The following MAD1L1 variants were observed in gnomAD, a reference collection of about 807,000 sequenced individuals.
The protein encoded by MAD1L1 is mitotic spindle assembly checkpoint protein MAD1.
A neutral mutation model predicts 96.9 loss-of-function variants in MAD1L1; 95 were observed. The observed-to-expected ratio is 0.98, with a 90% CI of 0.83 to 1.16. The LOEUF is 1.16. MAD1L1 is among the 50% of genes most tolerant of loss of function. The probability of loss-of-function intolerance (pLI) is 0.00; values close to 1 mark genes in which losing one functional copy is unlikely to be tolerated. For missense variants in MAD1L1, 1,007 were observed against 954.4 expected (o/e 1.06, Z -0.73); for synonymous variants, 473 against 396.6 (o/e 1.19, Z -2.29).
At chr7:2,096,609 C>T (rs1167733628) in intron 11 of MAD1L1, among the ~76,000 whole-genome samples, 5 of 152,284 alleles carry the variant, frequency 3.3e-5, no homozygotes, top group African/African-American at 1.2e-4. Flanking sequence ...ACTTCGAGGA[C>T]AGCTTCCCCC....
chr7:1,963,765 C>A (rs1332445166), intron 15 of MAD1L1, among the ~76,000 whole-genome samples: 1 of 152,204 alleles, frequency 6.6e-6, no homozygotes, highest in Admixed American at 6.5e-5. Context: ...CCACTCACAC[C>A]AACATCCTGA....
intron 11 of MAD1L1, among the ~76,000 whole-genome samples, chr7:2,098,618 G>A (rs573413476): frequency 2.0e-4 from 30 of 152,290 alleles, no homozygotes; most frequent in African/African-American, 6.3e-4. Flanking sequence ...AGCACAGCAC[G>A]GCAGACACGT....
At chr7:2,216,735 T>C (rs147217659) in intron 7 of MAD1L1, among the ~76,000 whole-genome samples, 14 of 152,162 alleles carry the variant, frequency 9.2e-5, no homozygotes, top group Middle Eastern at 3.4e-3. Flanking sequence ...TTCTGCTCAT[T>C]TTGCTGTGAA....
chr7:2,021,804 G>A (rs1014148019), intron 12 of MAD1L1, among the ~76,000 whole-genome samples: 2 of 151,854 alleles, frequency 1.3e-5, no homozygotes, highest in African/African-American at 2.4e-5. Context: ...TTAGACAAAC[G>A]AAAACTGGGG....
At chr7:2,116,014 C>A (rs1352396145) in intron 11 of MAD1L1, among the ~76,000 whole-genome samples, 3 of 152,250 alleles carry the variant, frequency 2.0e-5, no homozygotes, top group Non-Finnish European at 4.4e-5. Flanking sequence ...TGGGGCCCAG[C>A]CCCACTGCCC....
intron 14 of MAD1L1, among the ~76,000 whole-genome samples, chr7:1,992,309 C>G (rs1386533583): frequency 6.6e-6 from 1 of 151,898 alleles, no homozygotes; most frequent in African/African-American, 2.4e-5. Context: ...CTCTATGTGG[C>G]TTCCAAGGGC....
At chr7:2,111,607 G>C (rs113521374) in intron 11 of MAD1L1, among the ~76,000 whole-genome samples, 2 of 152,232 alleles carry the variant, frequency 1.3e-5, no homozygotes, top group African/African-American at 4.8e-5. Context: ...AAGTCCAGAG[G>C]GCTGTGCAAG....
intron 18 of MAD1L1, chr7:1,854,333 G>A (rs947305419): frequency 1.5e-5 from 7 of 465,358 alleles, no homozygotes; most frequent in African/African-American, 4.0e-5. Context: ...CCGGCAGCTC[G>A]TCCCCAACCC....
intron 12 of MAD1L1, among the ~76,000 whole-genome samples, chr7:2,066,921 C>T (rs1047534695): frequency 1.3e-5 from 2 of 152,248 alleles, no homozygotes; most frequent in African/African-American, 4.8e-5. Context: ...CCGCTGGCCT[C>T]ACTTAAGAAA....
At chr7:2,045,838 C>T (rs1239365978) in intron 12 of MAD1L1, among the ~76,000 whole-genome samples, 1 of 152,192 alleles carries the variant, frequency 6.6e-6, no homozygotes, top group Admixed American at 6.5e-5. Context: ...CCCTAAGCCT[C>T]GGAGCACATG....
chr7:1,884,277 G>A (rs951550555), intron 18 of MAD1L1, among the ~76,000 whole-genome samples: 3 of 152,194 alleles, frequency 2.0e-5, no homozygotes, highest in Non-Finnish European at 2.9e-5. Flanking sequence ...CCAAGAGCAT[G>A]CCCCTGGCCA....
Position 2,215,951 on chromosome 7 carries a change from C to G in MAD1L1, c.858G>C (p.Leu286=). 1.9e-6 allele frequency: 3 copies of G among 1,614,212 alleles called. No homozygotes were observed. Among genetic ancestry groups the G allele is most frequent in the Non-Finnish European group, 2.5e-6 (3 of 1,180,038 alleles). The change falls in exon 9 of 19, where the codon CTG becomes CTC. Residue 286 remains leucine (L), a synonymous_variant. Coordinates refer to ENST00000265854, the MANE Select transcript of MAD1L1 (RefSeq NM_001013836.2). ...TCTCCTGGCGCCCCAGCTTCCTCTG[C>G]AGCCCTTCCAGCTCTTCCTGGAGCA... The part of the protein sequence containing the change: ...NGLLQEELEG[L]QRKLGRQEKM...
chr7:1,935,094 G>C (rs576424999), intron 17 of MAD1L1, among the ~76,000 whole-genome samples: 30 of 152,366 alleles, frequency 2.0e-4, no homozygotes, highest in African/African-American at 7.2e-4. Flanking sequence ...TGGGTGCACA[G>C]CCAAGGCACA....
At chr7:2,035,057 C>T (rs1415316907) in intron 12 of MAD1L1, among the ~76,000 whole-genome samples, 5 of 152,242 alleles carry the variant, frequency 3.3e-5, no homozygotes, top group Non-Finnish European at 7.3e-5. Context: ...GGGAGGGACA[C>T]AAACTCCACA....
chr7:1,873,657 C>T (rs900385061), intron 18 of MAD1L1, among the ~76,000 whole-genome samples: 14 of 152,060 alleles, frequency 9.2e-5, no homozygotes, highest in Non-Finnish European at 1.5e-5. Context: ...CCCACTGCTG[C>T]CTCCCTCACT....
At chr7:2,197,040 T>G (rs1792025477) in intron 10 of MAD1L1, among the ~76,000 whole-genome samples, 1 of 152,230 alleles carries the variant, frequency 6.6e-6, no homozygotes, top group South Asian at 2.1e-4. Flanking sequence ...TCCTCCCTGA[T>G]GAAGACCTTC....
At chr7:1,842,308 C>T (rs1172215336) in intron 18 of MAD1L1, among the ~76,000 whole-genome samples, 3 of 152,292 alleles carry the variant, frequency 2.0e-5, no homozygotes, top group South Asian at 2.1e-4. Flanking sequence ...TCCGTGTGGC[C>T]GCAGCCCCCG....
intron 13 of MAD1L1, among the ~76,000 whole-genome samples, chr7:2,012,645 C>T (rs565493148): frequency 6.6e-6 from 1 of 152,314 alleles, no homozygotes; most frequent in African/African-American, 2.4e-5. Context: ...CACCAGGGGG[C>T]AGTACCAGTG....
chr7:2,007,946 C>T (rs1358037584), intron 13 of MAD1L1, among the ~76,000 whole-genome samples: 1 of 152,214 alleles, frequency 6.6e-6, no homozygotes, highest in East Asian at 1.9e-4. Flanking sequence ...GCTCTGTGCT[C>T]AGTCAGAGAT....
Sources: allele counts gnomAD v4.1 joint callset (sites outside exome capture counted in the v4.1 genomes callset), GRCh38; gene constraint gnomAD v4.1.1; transcripts MANE v1.5; gene names NCBI Gene and HGNC (gene_info 2026-07-23, HGNC 2026-07-21).